Variants in INPP5A observed in about 807,000 individuals in gnomAD.
The protein encoded by INPP5A is 43 kDa inositol polyphosphate 5-phophatase.
INPP5A carries 14 observed loss-of-function variants against 65.2 expected under a neutral mutation model. The observed-to-expected ratio is 0.21, with a 90% CI of 0.14 to 0.34. The LOEUF (loss-of-function observed/expected upper bound fraction) is 0.34, where lower values mean the gene tolerates loss of function less well. Ranked by LOEUF, INPP5A falls within the 10% of genes least tolerant of loss-of-function variation. INPP5A has a pLI of 1.00. For missense variants in INPP5A, 431 were observed against 545.6 expected, an observed-to-expected ratio of 0.79 and a Z score of 2.09; for synonymous variants, 207 against 208.3, an observed-to-expected ratio of 0.99 and a Z score of 0.05.
intron 1 of INPP5A, among the ~76,000 whole-genome samples, chr10:132,569,212 C>T (rs1324001124): frequency 6.6e-6 from 1 of 152,066 alleles, no homozygotes; most frequent in South Asian, 2.1e-4. Flanking sequence ...AGTTCTTATA[C>T]TTTCTACATG....
rs1845385041 is a variant in INPP5A, at chr10:132,698,670, CTG to C, written c.474+754_474+755del. ...GCTGAATCACAGTGGGGTGCAGGCA[CTG>C]TGGCCAGAAGCAGCCCAGGCACTGA... On this transcript the variant is annotated intron_variant, in intron 6 of 15. Coordinates refer to ENST00000368594, the MANE Select transcript of INPP5A (RefSeq NM_005539.5). The surrounding 1 kb of genome is among the most constrained non-coding windows in gnomAD (Gnocchi z 5.5). 6.6e-6 allele frequency among the ~76,000 whole-genome samples: 1 copy of C among 152,222 alleles called. No individual in the cohort carries two copies. Among genetic ancestry groups the C allele is most frequent in the Non-Finnish European group, 1.5e-5 (1 of 68,042 alleles).
intron 2 of INPP5A, among the ~76,000 whole-genome samples, chr10:132,638,125 C>T (rs760902133): frequency 2.6e-5 from 4 of 152,174 alleles, no homozygotes; most frequent in Non-Finnish European, 5.9e-5. Flanking sequence ...TCTTTTCCTG[C>T]CTTTTCTTCC....
intron 3 of INPP5A, among the ~76,000 whole-genome samples, chr10:132,647,506 G>T (rs970581690): frequency 3.3e-5 from 5 of 152,270 alleles, no homozygotes; most frequent in East Asian, 1.9e-4. Context: ...AGAGCAAAGG[G>T]TCAAGAATAG....
In INPP5A at chr10:132,685,768, G is replaced by A. The variant is rs112291183; in HGVS notation, c.307-4624G>A. ...GTGATTGCACAGTGCCTGCCGGGACGCGTTGTTCTTTCCAAATGTGTGAGA... is the reference window on the plus strand; with the variant it reads ...GTGATTGCACAGTGCCTGCCGGGACACGTTGTTCTTTCCAAATGTGTGAGA... On this transcript the variant is annotated intron_variant, in intron 4 of 15. Coordinates refer to ENST00000368594, the MANE Select transcript of INPP5A (RefSeq NM_005539.5). Among the ~76,000 whole-genome samples the A allele has an allele frequency of 4.0e-3, 606 of 152,300 alleles. 3 individuals are homozygous for A. The highest frequency in any genetic ancestry group is 0.014 in the African/African-American group (583 of 41,562).
rs1036994704 is a variant in INPP5A at position 132,538,207 on chromosome 10, G to A, written c.75+36G>A. The A allele has an allele frequency of 3.3e-6, 4 of 1,225,416 alleles. No individual in the cohort carries two copies. The highest frequency in any genetic ancestry group is 2.3e-4 in the Middle Eastern group (1 of 4,444). The allele number at this position is 1,225,416 out of a possible 1,614,324, so 75.9% of individuals were successfully genotyped here. Reference sequence around the variant, plus strand: ...CGTGCCGGCGGCAGGCCCCAAGCCCGGAACCCCCGACCCTGACCCCGGGGT... The same window carrying A: ...CGTGCCGGCGGCAGGCCCCAAGCCCAGAACCCCCGACCCTGACCCCGGGGT... On this transcript the variant is annotated intron_variant, in intron 1 of 15. Coordinates refer to ENST00000368594, the MANE Select transcript of INPP5A (RefSeq NM_005539.5). The surrounding 1 kb of genome is among the most constrained non-coding windows in gnomAD (Gnocchi z 4.1).
chr10:132,707,597 T>TGGTGGGA lies in INPP5A; in HGVS notation c.475-706_475-700dup, dbSNP rs1194324929. The stretch of plus-strand genomic sequence containing the variant: ...GGTGGCCCAGCAGAGGAACCTACCA[T>TGGTGGGA]GGTGGGAGGTGGGAGGGCAGGAGGG... On this transcript the variant is annotated intron_variant, in intron 6 of 15. Coordinates refer to ENST00000368594, the MANE Select transcript of INPP5A (RefSeq NM_005539.5). The surrounding 1 kb of genome is among the most constrained non-coding windows in gnomAD (Gnocchi z 5.5). 1.3e-5 allele frequency among the ~76,000 whole-genome samples: 2 copies of TGGTGGGA among 152,110 alleles called. No individual in the cohort carries two copies. Among genetic ancestry groups the TGGTGGGA allele is most frequent in the South Asian group, 4.1e-4 (2 of 4,822 alleles).
At chr10:132,668,662 T>G (rs1310729936) in intron 4 of INPP5A, among the ~76,000 whole-genome samples, 1 of 151,930 alleles carries the variant, frequency 6.6e-6, no homozygotes, top group Non-Finnish European at 1.5e-5. Context: ...TAAACATGAA[T>G]TTGCACAGGG....
intron 1 of INPP5A, among the ~76,000 whole-genome samples, chr10:132,565,655 G>A (rs1210352567): frequency 6.6e-6 from 1 of 152,062 alleles, no homozygotes; most frequent in Non-Finnish European, 1.5e-5. Flanking sequence ...GTGTATGTGT[G>A]TATGTGGGTC....
chr10:132,720,274 G>C (rs1315080874), intron 8 of INPP5A, among the ~76,000 whole-genome samples: 2 of 148,680 alleles, frequency 1.3e-5, no homozygotes, highest in Admixed American at 1.3e-4. Context: ...CCTGGGTTCT[G>C]TCTGGGTGCC....
intron 1 of INPP5A, among the ~76,000 whole-genome samples, chr10:132,554,244 G>A (rs2071094365): frequency 6.6e-6 from 1 of 152,212 alleles, no homozygotes; most frequent in Admixed American, 6.5e-5. Flanking sequence ...CAAAGGGGTA[G>A]TGTACTGTGC....
intron 11 of INPP5A, among the ~76,000 whole-genome samples, chr10:132,757,266 C>T (rs926208420): frequency 6.6e-6 from 1 of 152,352 alleles, no homozygotes; most frequent in South Asian, 2.1e-4. Context: ...CAGGCCTTCC[C>T]GCTCACCCCC....
At chr10:132,743,802 T>C (rs1370177133) in intron 9 of INPP5A, among the ~76,000 whole-genome samples, 6 of 152,118 alleles carry the variant, frequency 3.9e-5, no homozygotes, top group African/African-American at 1.4e-4. Context: ...TGATGAGGAC[T>C]GGGGTGCACA....
chr10:132,754,666 C>T (rs1041020299), intron 11 of INPP5A, among the ~76,000 whole-genome samples: 3 of 152,240 alleles, frequency 2.0e-5, no homozygotes, highest in East Asian at 1.9e-4. Context: ...GGGAAAGTGG[C>T]CTTGGTCCAC....
chr10:132,703,804 G>A, intron 6 of INPP5A, among the ~76,000 whole-genome samples: 1 of 47,090 alleles, frequency 2.1e-5, no homozygotes, highest in Non-Finnish European at 3.6e-5. Flanking sequence ...ACACACGCTT[G>A]GCTTCACTCC....
At chr10:132,569,204 T>G (rs1246120789) in intron 1 of INPP5A, among the ~76,000 whole-genome samples, 1 of 152,170 alleles carries the variant, frequency 6.6e-6, no homozygotes, top group African/African-American at 2.4e-5. Flanking sequence ...GAGTGTTAAG[T>G]TCTTATACTT....
chr10:132,771,137 G>A (rs758970134), intron 12 of INPP5A, among the ~76,000 whole-genome samples: 13 of 152,122 alleles, frequency 8.5e-5, no homozygotes, highest in Middle Eastern at 3.2e-3. Context: ...CCGTGAAAAC[G>A]AGCAGCTGCT....
At chr10:132,579,317 C>T (rs2071451717) in intron 1 of INPP5A, among the ~76,000 whole-genome samples, 1 of 152,078 alleles carries the variant, frequency 6.6e-6, no homozygotes, top group Admixed American at 6.5e-5. Context: ...TGTCGTGCCC[C>T]TGAGTGAGGC....
intron 2 of INPP5A, among the ~76,000 whole-genome samples, chr10:132,629,826 G>A (rs2072241156): frequency 6.6e-6 from 1 of 152,118 alleles, no homozygotes; most frequent in African/African-American, 2.4e-5. Context: ...TATCCATGAG[G>A]GAGGGGTGTC....
chr10:132,684,755 T>C (rs1443134780), intron 4 of INPP5A, among the ~76,000 whole-genome samples: 1 of 152,230 alleles, frequency 6.6e-6, no homozygotes, highest in East Asian at 1.9e-4. Context: ...CGTGATGTCC[T>C]TAGCTTTGTT....
Sources: gnomAD v4.1 joint callset for allele counts (sites outside exome capture counted in the v4.1 genomes callset) on GRCh38, gnomAD v4.1.1 for gene constraint, Gnocchi (gnomAD v3.1) non-coding constraint, MANE v1.5 for transcripts, NCBI Gene and HGNC (gene_info 2026-07-23, HGNC 2026-07-21) for gene names.